Variants in LHPP observed in about 807,000 individuals in gnomAD.
The protein encoded by LHPP is phospholysine phosphohistidine inorganic pyrophosphate phosphatase, also known as hLHPP.
A neutral mutation model predicts 30.3 loss-of-function variants in LHPP; 24 were observed. The ratio of observed to expected loss-of-function variants is 0.79; its 90% CI spans 0.57 to 1.11. The LOEUF (loss-of-function observed/expected upper bound fraction) is 1.11. Ranked by LOEUF, LHPP falls within the 50% of genes most tolerant of loss-of-function variation. The probability of loss-of-function intolerance (pLI) is 0.00; values close to 1 mark genes in which losing one functional copy is unlikely to be tolerated. For missense variants in LHPP, 356 were observed against 367.2 expected (o/e 0.97, Z 0.25); for synonymous variants, 150 against 157.1 (o/e 0.95, Z 0.34).
chr10:124,503,247 G>T (rs910007383), intron 5 of LHPP, among the ~76,000 whole-genome samples: 2 of 151,326 alleles, frequency 1.3e-5, no homozygotes, highest in Non-Finnish European at 2.9e-5. Context: ...TGTGTTTTTA[G>T]TAGAGACGGG....
chr10:124,472,632 C>T (rs1301303037), intron 1 of LHPP, among the ~76,000 whole-genome samples: 3 of 151,308 alleles, frequency 2.0e-5, no homozygotes, highest in Non-Finnish European at 2.9e-5. Context: ...GATCTCAGCT[C>T]ACTGCAACCT....
At chr10:124,540,081 TC>T (rs911756378) in intron 6 of LHPP, among the ~76,000 whole-genome samples, 2 of 152,040 alleles carry the variant, frequency 1.3e-5, no homozygotes, top group African/African-American at 4.8e-5. Context: ...GAAACTTGGG[TC>T]CCCAGATAAC....
chr10:124,571,194 T>C (rs1948580037), intron 6 of LHPP, among the ~76,000 whole-genome samples: 1 of 152,244 alleles, frequency 6.6e-6, no homozygotes, highest in Non-Finnish European at 1.5e-5. Context: ...GTCTCTCTGG[T>C]ATGTCTTTAT....
intron 6 of LHPP, among the ~76,000 whole-genome samples, chr10:124,543,067 G>A (rs1404190123): frequency 6.6e-6 from 1 of 152,224 alleles, no homozygotes; most frequent in Non-Finnish European, 1.5e-5. Context: ...CCATCTCAGG[G>A]TGTGGGCCCA....
intron 6 of LHPP, among the ~76,000 whole-genome samples, chr10:124,524,722 C>A (rs1297053662): frequency 6.6e-6 from 1 of 152,132 alleles, no homozygotes; most frequent in East Asian, 1.9e-4. Flanking sequence ...GTCCCAGCTA[C>A]TCGGGAGGCT....
At chr10:124,468,348 C>G (rs12569408) in intron 1 of LHPP, among the ~76,000 whole-genome samples, 1 of 152,148 alleles carries the variant, frequency 6.6e-6, no homozygotes, top group Admixed American at 6.5e-5. Flanking sequence ...AATGTAATAA[C>G]AATCCCGAAA....
chr10:124,481,877 G>A (rs776018797), intron 1 of LHPP, among the ~76,000 whole-genome samples: 22 of 152,200 alleles, frequency 1.4e-4, no homozygotes, highest in Non-Finnish European at 2.1e-4. Context: ...CAGGTCTCCA[G>A]TTGGGCCTGA....
At chr10:124,575,366 G>A (rs938850774) in intron 6 of LHPP, among the ~76,000 whole-genome samples, 1 of 152,162 alleles carries the variant, frequency 6.6e-6, no homozygotes, top group Admixed American at 6.5e-5. Context: ...AGGCACACTG[G>A]GGCTTAGGGC....
chr10:124,605,001 GGTCA>G (rs1949073692), intron 6 of LHPP, among the ~76,000 whole-genome samples: 1 of 152,254 alleles, frequency 6.6e-6, no homozygotes, highest in African/African-American at 2.4e-5. Context: ...CGTCTCCCTT[GGTCA>G]GTGTTCCCCA....
At chr10:124,562,934 T>TA (rs972284456) in intron 6 of LHPP, among the ~76,000 whole-genome samples, 1,083 of 102,842 alleles carry the variant, frequency 0.011, 12 homozygotes, top group African/African-American at 0.037. Context: ...AGATACCATC[T>TA]AAAAAAAAAA....
intron 1 of LHPP, among the ~76,000 whole-genome samples, chr10:124,470,678 C>T (rs113805347): frequency 1.7e-3 from 198 of 114,342 alleles, no homozygotes; most frequent in African/African-American, 3.6e-3. Context: ...ACAACAACAA[C>T]AACAATAATA....
At chr10:124,483,612 C>T (rs1052591586) in intron 1 of LHPP, among the ~76,000 whole-genome samples, 1 of 152,104 alleles carries the variant, frequency 6.6e-6, no homozygotes, top group Non-Finnish European at 1.5e-5. Context: ...AAAAAATTAG[C>T]CAGGTATGAT....
At chr10:124,579,234 C>T (rs978095123) in intron 6 of LHPP, among the ~76,000 whole-genome samples, 1 of 152,246 alleles carries the variant, frequency 6.6e-6, no homozygotes, top group Admixed American at 6.5e-5. Context: ...AGCCCACCAC[C>T]GGGGCGCTGG....
At chr10:124,487,067 GTGT>G (rs1953352616) in intron 2 of LHPP, among the ~76,000 whole-genome samples, 1 of 152,256 alleles carries the variant, frequency 6.6e-6, no homozygotes. Context: ...TGTATCAGCA[GTGT>G]TGTTCATTTT....
Position 124,521,049 on chromosome 10 carries a change from C to T in LHPP, c.716+3778C>T, listed in dbSNP as rs569146526. Among the ~76,000 whole-genome samples, 84 of 151,958 alleles carry T rather than the reference C, an allele frequency of 5.5e-4. 2 individuals carry two copies. The highest frequency in any genetic ancestry group is 4.5e-3 in the Admixed American group (68 of 15,272). ...GGTGGCCCCAGGTGGCAGCTGCCCT[C>T]CTCCTGCACTGTCCCCTTCTCCCTC... On this transcript the variant is annotated intron_variant, in intron 6 of 6. Transcript: ENST00000368842.
intron 6 of LHPP, among the ~76,000 whole-genome samples, chr10:124,569,557 C>T (rs1457721731): frequency 6.6e-6 from 1 of 152,176 alleles, no homozygotes; most frequent in Non-Finnish European, 1.5e-5. Flanking sequence ...GCAGGGCAGC[C>T]TGGAAACACC....
At chr10:124,544,004 G>A (rs1380284519) in intron 6 of LHPP, among the ~76,000 whole-genome samples, 1 of 152,234 alleles carries the variant, frequency 6.6e-6, no homozygotes, top group South Asian at 2.1e-4. Flanking sequence ...CATCTCACCA[G>A]TTCCTCTCCT....
intron 1 of LHPP, among the ~76,000 whole-genome samples, chr10:124,463,754 T>C (rs1345551519): frequency 6.6e-6 from 1 of 151,790 alleles, no homozygotes; most frequent in Admixed American, 6.6e-5. Flanking sequence ...GCAGTCCTCC[T>C]GCCTTGGTCT....
chr10:124,504,804 C>T lies in LHPP; in HGVS notation c.624+6676C>T, dbSNP rs185255576. 9.1e-4 allele frequency among the ~76,000 whole-genome samples: 139 copies of T among 152,194 alleles called. 1 individual carries two copies. The highest frequency in any genetic ancestry group is 3.4e-3 in the Middle Eastern group (1 of 294). Reference sequence around the variant, plus strand: ...TTCACAGTCAGCTTCCTTCACATTTCGAATGAGATACAGCCCACCTCACCG... The same window carrying T: ...TTCACAGTCAGCTTCCTTCACATTTTGAATGAGATACAGCCCACCTCACCG... On this transcript the variant is annotated intron_variant, in intron 5 of 6. Coordinates refer to ENST00000368842, the MANE Select transcript of LHPP (RefSeq NM_022126.4).
Sources: allele counts gnomAD v4.1 joint callset (sites outside exome capture counted in the v4.1 genomes callset), GRCh38; gene constraint gnomAD v4.1.1; transcripts MANE v1.5; gene names NCBI Gene and HGNC (gene_info 2026-07-23, HGNC 2026-07-21).